ST6GALNAC5: variants seen among roughly 807,000 people sequenced by gnomAD.
ST6GALNAC5 encodes alpha-N-acetylgalactosaminide alpha-2,6-sialyltransferase 5.
ST6GALNAC5 carries 27 observed loss-of-function variants against 33.6 expected under a neutral mutation model. The observed-to-expected ratio is 0.80, with a 90% CI of 0.59 to 1.11. ST6GALNAC5 has a LOEUF of 1.11. ST6GALNAC5 is among the 50% of genes least tolerant of loss of function. The pLI is 0.00. For missense variants in ST6GALNAC5, 428 were observed against 454.0 expected (o/e 0.94, Z 0.52); for synonymous variants, 194 against 171.2 (o/e 1.13, Z -1.04).
At chr1:77,019,706 A>G (rs965374431) in intron 2 of ST6GALNAC5, among the ~76,000 whole-genome samples, 1 of 152,228 alleles carries the variant, frequency 6.6e-6, no homozygotes, top group Non-Finnish European at 1.5e-5. Flanking sequence ...GTTCTTGCCC[A>G]GTTGCAATTG....
chr1:76,888,142 G>A (rs115386745), intron 2 of ST6GALNAC5, among the ~76,000 whole-genome samples: 3,014 of 152,244 alleles, frequency 0.02, 52 homozygotes, highest in African/African-American at 0.044. Flanking sequence ...GAATGACAAA[G>A]GTGTCAATGT....
At chr1:76,988,645 T>C (rs1557750213) in intron 2 of ST6GALNAC5, among the ~76,000 whole-genome samples, 1 of 152,158 alleles carries the variant, frequency 6.6e-6, no homozygotes, top group South Asian at 2.1e-4. Context: ...TTAAATGAAA[T>C]CCTTTGACTT....
At chr1:77,011,499 C>T (rs546424740) in intron 2 of ST6GALNAC5, among the ~76,000 whole-genome samples, 1 of 152,250 alleles carries the variant, frequency 6.6e-6, no homozygotes, top group South Asian at 2.1e-4. Context: ...AAGAGCATGA[C>T]AAGGTTTGGG....
At chr1:76,996,817 G>A (rs1649956092) in intron 2 of ST6GALNAC5, among the ~76,000 whole-genome samples, 1 of 152,130 alleles carries the variant, frequency 6.6e-6, no homozygotes, top group African/African-American at 2.4e-5. Context: ...AATTCCAAGT[G>A]AGAAAATAAC....
At chr1:76,867,774 G>A in intron 1 of ST6GALNAC5, 84 bp downstream of exon 1, 1 of 1,603,380 alleles carries the variant, frequency 6.2e-7, no homozygotes, top group Non-Finnish European at 8.5e-7. Flanking sequence ...GAGACTCCGA[G>A]ACGCCTAACC....
intron 2 of ST6GALNAC5, among the ~76,000 whole-genome samples, chr1:76,989,237 ATC>A (rs1649626498): frequency 6.6e-6 from 1 of 151,662 alleles, no homozygotes; most frequent in Non-Finnish European, 1.5e-5. Context: ...TTTTTATACT[ATC>A]TGATTCTTTT....
intron 2 of ST6GALNAC5, among the ~76,000 whole-genome samples, chr1:77,038,397 A>G (rs1346882820): frequency 6.6e-6 from 1 of 152,236 alleles, no homozygotes; most frequent in East Asian, 1.9e-4. Context: ...ATCAGATTGG[A>G]AAGTACAGAG....
At chr1:76,965,086 A>G (rs1648404601) in intron 2 of ST6GALNAC5, among the ~76,000 whole-genome samples, 1 of 152,170 alleles carries the variant, frequency 6.6e-6, no homozygotes, top group Non-Finnish European at 1.5e-5. Context: ...ATGTGTCTTT[A>G]TAGTAGCATG....
intron 4 of ST6GALNAC5, among the ~76,000 whole-genome samples, chr1:77,062,340 G>A (rs1652605098): frequency 6.6e-6 from 1 of 152,152 alleles, no homozygotes; most frequent in African/African-American, 2.4e-5. Flanking sequence ...GCCTCTCAGA[G>A]AAGGATATTA....
rs558297517 is a variant in ST6GALNAC5, at chr1:76,999,008, A to T, written c.262-45196A>T. Reference sequence around the variant, plus strand: ...ATCTGGTGACTATGAAAGGGAGTAAACTTACACAGCTGGCTCTTTTCAGAC... The same window carrying T: ...ATCTGGTGACTATGAAAGGGAGTAATCTTACACAGCTGGCTCTTTTCAGAC... On this transcript the variant is annotated intron_variant, in intron 2 of 4. Transcript: ENST00000477717. 4.5e-4 allele frequency among the ~76,000 whole-genome samples: 69 copies of T among 152,308 alleles called. No homozygotes were observed. The South Asian group carries it at 0.014, about 32-fold the overall frequency.
chr1:76,986,547 C>A (rs938836047), intron 2 of ST6GALNAC5, among the ~76,000 whole-genome samples: 2 of 152,212 alleles, frequency 1.3e-5, no homozygotes, highest in Non-Finnish European at 2.9e-5. Flanking sequence ...AATAGGAACA[C>A]TTTTACACTG....
chr1:76,973,605 A>T (rs1419044380), intron 2 of ST6GALNAC5, among the ~76,000 whole-genome samples: 1 of 152,172 alleles, frequency 6.6e-6, no homozygotes, highest in Non-Finnish European at 1.5e-5. Context: ...TCAAATTGAC[A>T]CATAAAATTA....
chr1:76,896,513 G>A (rs185997122), intron 2 of ST6GALNAC5, among the ~76,000 whole-genome samples: 5,937 of 152,230 alleles, frequency 0.039, 161 homozygotes, highest in Non-Finnish European at 0.06. Context: ...GGTGTGTGGC[G>A]ATTAGGCCTG....
At chr1:76,983,159 C>A (rs1453522337) in intron 2 of ST6GALNAC5, among the ~76,000 whole-genome samples, 1 of 152,062 alleles carries the variant, frequency 6.6e-6, no homozygotes, top group Non-Finnish European at 1.5e-5. Context: ...TCACACATAA[C>A]AATAATAACT....
intron 2 of ST6GALNAC5, among the ~76,000 whole-genome samples, chr1:76,975,673 A>G (rs1648980764): frequency 6.6e-6 from 1 of 152,220 alleles, no homozygotes; most frequent in Admixed American, 6.5e-5. Context: ...GACACAAAAG[A>G]ATATGTACTG....
intron 2 of ST6GALNAC5, among the ~76,000 whole-genome samples, chr1:76,972,697 G>A (rs1648812425): frequency 1.3e-5 from 2 of 152,090 alleles, no homozygotes; most frequent in South Asian, 2.1e-4. Context: ...TGGAAGTGGA[G>A]TGCTGAGTCT....
At chr1:77,055,076 C>T (rs946178209) in intron 4 of ST6GALNAC5, among the ~76,000 whole-genome samples, 4 of 151,876 alleles carry the variant, frequency 2.6e-5, no homozygotes, top group Non-Finnish European at 4.4e-5. Context: ...CCTCTCCAAA[C>T]ATGACTGCCT....
intron 2 of ST6GALNAC5, among the ~76,000 whole-genome samples, chr1:76,961,301 A>G (rs993226888): frequency 6.6e-6 from 1 of 152,120 alleles, no homozygotes; most frequent in African/African-American, 2.4e-5. Context: ...CTGTACTGCA[A>G]ATTCTAAAGT....
At chr1:77,023,119 C>G (rs1284665108) in intron 2 of ST6GALNAC5, among the ~76,000 whole-genome samples, 1 of 152,160 alleles carries the variant, frequency 6.6e-6, no homozygotes, top group Non-Finnish European at 1.5e-5. Flanking sequence ...AGAAGGCAGG[C>G]CCCTGCAAGC....
Sources: allele counts gnomAD v4.1 joint callset (sites outside exome capture counted in the v4.1 genomes callset), GRCh38; gene constraint gnomAD v4.1.1; transcripts MANE v1.5; gene names NCBI Gene and HGNC (gene_info 2026-07-23, HGNC 2026-07-21).